SPIRE1: variants seen among roughly 807,000 people sequenced by gnomAD.
SPIRE1 encodes the protein spire type actin nucleation factor 1.
SPIRE1 carries 40 observed loss-of-function variants against 94.1 expected under a neutral mutation model. The observed-to-expected ratio is 0.43, with a 90% CI of 0.33 to 0.55. SPIRE1 has a LOEUF of 0.55. SPIRE1 is among the 20% of genes least tolerant of loss of function. The probability of loss-of-function intolerance (pLI) is 0.06; values close to 1 mark genes in which losing one functional copy is unlikely to be tolerated. For synonymous variants in SPIRE1, 376 were observed against 371.7 expected (o/e 1.01, Z -0.13); for missense variants, 838 against 975.2 (o/e 0.86, Z 1.87).
At chr18:12,575,072 A>T (rs1258254372) in intron 2 of SPIRE1, among the ~76,000 whole-genome samples, 1 of 152,176 alleles carries the variant, frequency 6.6e-6, no homozygotes, top group Non-Finnish European at 1.5e-5. Context: ...GTAGCTGGAG[A>T]TGAGACAGGG....
chr18:12,467,444 T>C (rs777372302), intron 10 of SPIRE1, among the ~76,000 whole-genome samples: 2 of 152,116 alleles, frequency 1.3e-5, no homozygotes, highest in Non-Finnish European at 2.9e-5. Flanking sequence ...ATTAGAACAA[T>C]CTTTTTCTGT....
chr18:12,602,801 T>C (rs577648118), intron 2 of SPIRE1, among the ~76,000 whole-genome samples: 3 of 152,318 alleles, frequency 2.0e-5, no homozygotes, highest in African/African-American at 7.2e-5. Flanking sequence ...GAAGAAACAC[T>C]GCCTGCTCAG....
chr18:12,588,369 T>C (rs2036443213), intron 2 of SPIRE1: 1 of 152,506 alleles, frequency 6.6e-6, no homozygotes. Context: ...TAAAAAGTAC[T>C]ACTTACAGTT....
intron 12 of SPIRE1, among the ~76,000 whole-genome samples, chr18:12,456,483 T>TGACAAAATGGCTATGCTGC (rs2031514225): frequency 6.6e-6 from 1 of 152,198 alleles, no homozygotes; most frequent in Non-Finnish European, 1.5e-5. Context: ...GCTAACGATA[T>TGACAAAATGGCTATGCTGC]GACAAAATGG....
At chr18:12,579,228 CACACAA>C (rs1227921925) in intron 2 of SPIRE1, among the ~76,000 whole-genome samples, 1 of 140,542 alleles carries the variant, frequency 7.1e-6, no homozygotes, top group African/African-American at 2.6e-5. Flanking sequence ...CACACACACA[CACACAA>C]AATACTGACT....
intron 1 of SPIRE1, among the ~76,000 whole-genome samples, chr18:12,655,024 C>T (rs962386949): frequency 1.6e-5 from 2 of 125,980 alleles, no homozygotes; most frequent in African/African-American, 2.6e-5. Context: ...GAGACTCCAT[C>T]TCAAAAAAAA....
intron 2 of SPIRE1, among the ~76,000 whole-genome samples, chr18:12,633,906 G>A (rs530269022): frequency 6.6e-6 from 1 of 152,216 alleles, no homozygotes; most frequent in East Asian, 1.9e-4. Flanking sequence ...TGAACACATA[G>A]AAACCCCTTA....
At chr18:12,652,308 T>C (rs529959110) in intron 1 of SPIRE1, among the ~76,000 whole-genome samples, 2 of 152,340 alleles carry the variant, frequency 1.3e-5, no homozygotes, top group South Asian at 4.1e-4. Context: ...TTTAACCCCT[T>C]AATTAAGCGT....
At chr18:12,505,047 C>T (rs567887194) in intron 6 of SPIRE1, among the ~76,000 whole-genome samples, 5 of 152,176 alleles carry the variant, frequency 3.3e-5, no homozygotes, top group East Asian at 1.9e-4. Context: ...GTGCCGGCCA[C>T]GGTAAGGACA....
chr18:12,646,779 T>C (rs1162079755), intron 1 of SPIRE1, among the ~76,000 whole-genome samples: 1 of 152,160 alleles, frequency 6.6e-6, no homozygotes, highest in Non-Finnish European at 1.5e-5. Context: ...GCGCAGTGGT[T>C]CACACCTGTA....
intron 12 of SPIRE1, among the ~76,000 whole-genome samples, chr18:12,459,541 T>C (rs1408843650): frequency 6.6e-6 from 1 of 152,230 alleles, no homozygotes; most frequent in Non-Finnish European, 1.5e-5. Context: ...GTCCCCTTCA[T>C]CAGATGCTGC....
chr18:12,610,225 T>C (rs1188643946), intron 2 of SPIRE1, among the ~76,000 whole-genome samples: 1 of 152,186 alleles, frequency 6.6e-6, no homozygotes, highest in South Asian at 2.1e-4. Context: ...GATTTTAACA[T>C]ATGTATGCCT....
At chr18:12,591,530 T>G (rs1365391452) in intron 2 of SPIRE1, among the ~76,000 whole-genome samples, 3 of 152,046 alleles carry the variant, frequency 2.0e-5, no homozygotes, top group Non-Finnish European at 4.4e-5. Flanking sequence ...TAGACTCTAG[T>G]AGAGTAAGGG....
intron 2 of SPIRE1, among the ~76,000 whole-genome samples, chr18:12,612,149 T>C (rs900733870): frequency 6.6e-6 from 1 of 152,162 alleles, no homozygotes; most frequent in African/African-American, 2.4e-5. Context: ...AACCACTATG[T>C]TGTCAAACTC....
chr18:12,644,433 C>T (rs780995103), intron 1 of SPIRE1, among the ~76,000 whole-genome samples: 6 of 151,988 alleles, frequency 3.9e-5, no homozygotes, highest in Non-Finnish European at 7.4e-5. Flanking sequence ...CCCTCCTATA[C>T]TCCCCAAAGG....
intron 2 of SPIRE1, among the ~76,000 whole-genome samples, chr18:12,620,693 T>C (rs191921456): frequency 1.3e-5 from 2 of 152,234 alleles, no homozygotes; most frequent in East Asian, 3.9e-4. Flanking sequence ...ACCAAAACTA[T>C]AAAACTCTCA....
chr18:12,615,345 A>AAAAAAAAAAATATATATAT, intron 2 of SPIRE1, among the ~76,000 whole-genome samples: 4 of 17,238 alleles, frequency 2.3e-4, no homozygotes, highest in Admixed American at 5.9e-4. Context: ...AAAAAAAAAA[A>AAAAAAAAAAATATATATAT]ATATATATAT....
At chr18:12,583,977 A>T (rs988255052) in intron 2 of SPIRE1, among the ~76,000 whole-genome samples, 1 of 152,152 alleles carries the variant, frequency 6.6e-6, no homozygotes, top group African/African-American at 2.4e-5. Flanking sequence ...AAACCAGTAA[A>T]ACATGCTTAT....
At chr18:12,607,239 C>A (rs1159975169) in intron 2 of SPIRE1, among the ~76,000 whole-genome samples, 1 of 152,112 alleles carries the variant, frequency 6.6e-6, no homozygotes, top group Non-Finnish European at 1.5e-5. Flanking sequence ...TTTAGAAAGA[C>A]CTGTAACTGC....
Sources: allele counts gnomAD v4.1 joint callset (sites outside exome capture counted in the v4.1 genomes callset), GRCh38; gene constraint gnomAD v4.1.1; transcripts MANE v1.5; gene names NCBI Gene and HGNC (gene_info 2026-07-23, HGNC 2026-07-21).